Variants in MACROD2 observed in about 807,000 individuals in gnomAD.
MACROD2 encodes the protein mono-ADP ribosylhydrolase 2, also known as ADP-ribose glycohydrolase MACROD2.
In MACROD2, 36 loss-of-function variants were observed where a neutral mutation model predicts 70.4. The observed-to-expected ratio is 0.51, with a 90% CI of 0.39 to 0.68. MACROD2 has a LOEUF of 0.68. MACROD2 is among the 30% of genes least tolerant of loss of function. The pLI is 0.00. For missense variants in MACROD2, 496 were observed against 538.4 expected (o/e 0.92, Z 0.78); for synonymous variants, 172 against 178.8 (o/e 0.96, Z 0.30).
At position 16,052,779 on chromosome 20, in the gene MACROD2, C is replaced by T. The variant is rs776316005; in HGVS notation, c.*2903C>T. On this transcript the variant is annotated 3_prime_UTR_variant, in exon 18 of 18. Coordinates refer to ENST00000684519, the MANE Select transcript of MACROD2 (RefSeq NM_001351661.2). ...TGAAAAGACATTTCTCTGTATGTGG[C>T]GCATGTCGGCTTTGCTTTGAAAAAT... is the stretch of plus-strand genomic sequence containing the variant. The T allele has an allele frequency of 3.9e-5, 6 of 152,474 alleles. No homozygotes were observed. The highest frequency in any genetic ancestry group is 8.8e-5 in the Non-Finnish European group (6 of 68,016). The allele number at this position is 152,474 out of a possible 1,614,324, so 9.4% of individuals were successfully genotyped here.
intron 4 of MACROD2, among the ~76,000 whole-genome samples, chr20:14,515,977 A>G (rs1331959427): frequency 6.8e-6 from 1 of 147,672 alleles, no homozygotes; most frequent in African/African-American, 2.5e-5. Flanking sequence ...TATATTTTAT[A>G]TAAAATATAA....
chr20:15,908,118 G>T (rs1308329511), intron 10 of MACROD2, among the ~76,000 whole-genome samples: 1 of 151,166 alleles, frequency 6.6e-6, no homozygotes, highest in African/African-American at 2.4e-5. Context: ...AGAGTTTTTT[G>T]CTGTGTTTTT....
At chr20:15,637,630 T>C (rs549873892) in intron 8 of MACROD2, among the ~76,000 whole-genome samples, 8 of 152,226 alleles carry the variant, frequency 5.3e-5, no homozygotes, top group East Asian at 1.9e-4. Flanking sequence ...GCCCACAACA[T>C]TGGGGGATGT....
chr20:14,051,649 G>T, intron 2 of MACROD2: 1 of 322,820 alleles, frequency 3.1e-6, no homozygotes, highest in South Asian at 2.5e-5. Flanking sequence ...ATCTTTTTTG[G>T]AATGAGTCAG....
chr20:14,787,046 C>T (rs2072383264), intron 5 of MACROD2, among the ~76,000 whole-genome samples: 1 of 152,040 alleles, frequency 6.6e-6, no homozygotes, highest in Non-Finnish European at 1.5e-5. Flanking sequence ...AGTACATTCA[C>T]CAGCCATAAG....
chr20:15,818,958 C>A (rs905256107), intron 8 of MACROD2, among the ~76,000 whole-genome samples: 1 of 151,864 alleles, frequency 6.6e-6, no homozygotes, highest in Non-Finnish European at 1.5e-5. Context: ...AAGTCAAAGC[C>A]GTGAAGTTAT....
chr20:15,566,047 G>A (rs2048305863), intron 8 of MACROD2, among the ~76,000 whole-genome samples: 1 of 152,138 alleles, frequency 6.6e-6, no homozygotes, highest in Non-Finnish European at 1.5e-5. Flanking sequence ...CTGTGAAAAA[G>A]TTGGACATCT....
chr20:15,089,362 TA>T (rs2075776210), intron 5 of MACROD2, among the ~76,000 whole-genome samples: 1 of 152,082 alleles, frequency 6.6e-6, no homozygotes, highest in African/African-American at 2.4e-5. Context: ...AGAAATGTTT[TA>T]AAGTGGAAAA....
At chr20:14,706,596 G>A (rs1391770511) in intron 5 of MACROD2, among the ~76,000 whole-genome samples, 1 of 152,068 alleles carries the variant, frequency 6.6e-6, no homozygotes, top group Non-Finnish European at 1.5e-5. Flanking sequence ...AGTGAGTACT[G>A]ATTTTGTAGA....
At chr20:14,818,213 A>AGGTCC (rs1184741522) in intron 5 of MACROD2, among the ~76,000 whole-genome samples, 1 of 152,122 alleles carries the variant, frequency 6.6e-6, no homozygotes, top group African/African-American at 2.4e-5. Context: ...ACCATCATTG[A>AGGTCC]GGTCCGCACA....
At chr20:14,566,109 T>C (rs1979782361) in intron 4 of MACROD2, among the ~76,000 whole-genome samples, 2 of 151,920 alleles carry the variant, frequency 1.3e-5, no homozygotes, top group Admixed American at 6.6e-5. Flanking sequence ...CAAATATTTG[T>C]AACTCGTGTG....
intron 5 of MACROD2, among the ~76,000 whole-genome samples, chr20:15,224,890 G>A (rs1443891827): frequency 6.6e-6 from 1 of 150,838 alleles, no homozygotes; most frequent in African/African-American, 2.4e-5. Context: ...AATCCAGGAA[G>A]CAGAGGTTGC....
chr20:15,237,682 A>G (rs1284972782), intron 6 of MACROD2, among the ~76,000 whole-genome samples: 3 of 152,156 alleles, frequency 2.0e-5, no homozygotes, highest in African/African-American at 7.2e-5. Flanking sequence ...TGGGAGTGTT[A>G]TAAGTTGGCA....
intron 8 of MACROD2, among the ~76,000 whole-genome samples, chr20:15,636,425 G>A (rs1304281669): frequency 6.6e-6 from 1 of 152,176 alleles, no homozygotes; most frequent in Non-Finnish European, 1.5e-5. Flanking sequence ...AGAAGACAAT[G>A]TGATTCTTTA....
At chr20:15,491,994 G>A (rs904164800) in intron 7 of MACROD2, among the ~76,000 whole-genome samples, 1 of 152,316 alleles carries the variant, frequency 6.6e-6, no homozygotes, top group South Asian at 2.1e-4. Flanking sequence ...ACAGACTGTG[G>A]CCACCTCACC....
intron 3 of MACROD2, among the ~76,000 whole-genome samples, chr20:14,155,734 T>G (rs1282997365): frequency 6.6e-6 from 1 of 152,142 alleles, no homozygotes; most frequent in East Asian, 1.9e-4. Context: ...TAGAAAACTT[T>G]TAAAATTCAG....
intron 5 of MACROD2, among the ~76,000 whole-genome samples, chr20:15,196,371 T>G (rs746270944): frequency 6.6e-6 from 1 of 152,046 alleles, no homozygotes; most frequent in African/African-American, 2.4e-5. Context: ...ATAAGGAAAC[T>G]AGTAAGATGT....
At chr20:14,346,093 CAAAAAAAAA>C (rs71190130) in intron 3 of MACROD2, among the ~76,000 whole-genome samples, 13 of 41,172 alleles carry the variant, frequency 3.2e-4, no homozygotes, top group Admixed American at 5.1e-4. Context: ...GATTCTGCCT[CAAAAAAAAA>C]AAAAAAAAAA....
chr20:14,619,729 C>G (rs969398052), intron 4 of MACROD2, among the ~76,000 whole-genome samples: 8 of 152,000 alleles, frequency 5.3e-5, no homozygotes, highest in African/African-American at 1.9e-4. Context: ...TGGCTGTTAT[C>G]AATCCATACT....
Sources: allele counts gnomAD v4.1 joint callset (sites outside exome capture counted in the v4.1 genomes callset), GRCh38; gene constraint gnomAD v4.1.1; transcripts MANE v1.5; gene names NCBI Gene and HGNC (gene_info 2026-07-23, HGNC 2026-07-21).